Variants in ABAT observed in about 807,000 individuals in gnomAD.
The protein encoded by ABAT is 4-aminobutyrate aminotransferase.
A neutral mutation model predicts 64.6 loss-of-function variants in ABAT; 45 were observed. That is an observed-to-expected ratio of 0.70 (90% CI 0.55 to 0.89). ABAT has a LOEUF of 0.89. Among genes scored for constraint, ABAT ranks in the 40% least tolerant of loss-of-function variants. The pLI is 0.00. For synonymous variants in ABAT, 297 were observed against 250.5 expected, an observed-to-expected ratio of 1.19 and a Z score of -1.75; for missense variants, 633 against 658.4, an observed-to-expected ratio of 0.96 and a Z score of 0.42.
intron 5 of ABAT, 112 bp downstream of exon 5, chr16:8,750,651 C>G (rs374264839): frequency 1.1e-6 from 1 of 933,406 alleles, no homozygotes. Flanking sequence ...AGAGTGTTGC[C>G]TGACACTTCA....
chr16:8,682,216 C>CACACACAT (rs2057351931), intron 1 of ABAT, among the ~76,000 whole-genome samples: 1 of 143,178 alleles, frequency 7.0e-6, no homozygotes, highest in Non-Finnish European at 1.6e-5. Context: ...CACACACACA[C>CACACACAT]ACACACACAC....
intron 1 of ABAT, among the ~76,000 whole-genome samples, chr16:8,697,544 G>T (rs1428671114): frequency 6.6e-6 from 1 of 152,146 alleles, no homozygotes; most frequent in East Asian, 1.9e-4. Context: ...GTCAGTGCCT[G>T]GGTTCAGATC....
chr16:8,698,092 A>C (rs1334050760), intron 1 of ABAT, among the ~76,000 whole-genome samples: 1 of 152,202 alleles, frequency 6.6e-6, no homozygotes, highest in Non-Finnish European at 1.5e-5. Flanking sequence ...ACTCAAAACA[A>C]TGGAAGTTTA....
At chr16:8,729,244 C>T (rs575814842) in intron 1 of ABAT, among the ~76,000 whole-genome samples, 17 of 152,194 alleles carry the variant, frequency 1.1e-4, no homozygotes, top group African/African-American at 3.9e-4. Flanking sequence ...GCAGAGGTTG[C>T]AGTAAGCTAA....
intron 2 of ABAT, among the ~76,000 whole-genome samples, chr16:8,740,519 G>A (rs538292181): frequency 4.3e-4 from 65 of 152,222 alleles, no homozygotes; most frequent in African/African-American, 1.2e-3. Context: ...TCACAGAGCC[G>A]CTTACAATGT....
Position 8,782,024 on chromosome 16 carries a change from C to G in ABAT, c.*594C>G, listed in dbSNP as rs1248603064. The G allele has an allele frequency of 6.0e-6, 1 of 168,034 alleles. No individual in the cohort carries two copies. Among genetic ancestry groups the G allele is most frequent in the African/African-American group, 2.4e-5 (1 of 41,828 alleles). The allele number at this position is 168,034 out of a possible 1,614,324, so 10.4% of individuals were successfully genotyped here. On this transcript the variant is annotated 3_prime_UTR_variant, in exon 16 of 16. Coordinates refer to ENST00000268251, the MANE Select transcript of ABAT (RefSeq NM_020686.6). ...GGAGTAAGGGAAGAGGTCCTCTGGC[C>G]CCCTGAAGATGAGAATCACCCCTCT...
intron 2 of ABAT, among the ~76,000 whole-genome samples, chr16:8,743,035 A>C (rs896271491): frequency 2.1e-4 from 30 of 145,844 alleles, no homozygotes; most frequent in African/African-American, 7.0e-4. Context: ...AAAGTCATCG[A>C]TATGTTCTAG....
intron 1 of ABAT, among the ~76,000 whole-genome samples, chr16:8,734,887 TA>T (rs1408483222): frequency 6.6e-6 from 1 of 151,806 alleles, no homozygotes; most frequent in Non-Finnish European, 1.5e-5. Flanking sequence ...AACTGGGGGA[TA>T]GGGGCTGCTC....
Position 8,779,555 on chromosome 16 carries a change from T to C in ABAT, c.1346T>C (p.Ile449Thr), listed in dbSNP as rs1302829072. 6.2e-6 allele frequency: 10 copies of C among 1,614,140 alleles called. No homozygotes were observed. Among genetic ancestry groups the C allele is most frequent in the Non-Finnish European group, 8.5e-6 (10 of 1,180,016 alleles). The change falls in exon 15 of 16, where the codon ATA (isoleucine) becomes ACA (threonine). Residue 449 changes from isoleucine to threonine, a missense_variant. Physicochemically the swap from Ile to Thr is moderately conservative, Grantham distance 89. Coordinates refer to ENST00000268251, the MANE Select transcript of ABAT (RefSeq NM_020686.6). ...FCSFDTPDDS[I>T]RNKLILIARN... The stretch of plus-strand genomic sequence containing the variant: ...TCCTTCGATACTCCCGATGATTCCA[T>C]ACGGAATAAGCTCATTTTAATTGCC...
rs1321127065 is a variant in ABAT, at chr16:8,681,586, AG to A, written c.-42+6877del. Among the ~76,000 whole-genome samples, 7 of 149,972 alleles carry A rather than the reference AG, an allele frequency of 4.7e-5. No homozygotes were observed. In the East Asian group the frequency reaches 1.4e-3, roughly 30 times the overall value. Reference sequence around the variant, plus strand: ...AAATAGAGACTTTGCAGAAATAGTTAGGTTGAAATGAGGTCTTTCTGCATTA... The same window carrying A: ...AAATAGAGACTTTGCAGAAATAGTTAGTTGAAATGAGGTCTTTCTGCATTA... On this transcript the variant is annotated intron_variant, in intron 1 of 15. Transcript: ENST00000268251.
rs188367499 is a variant in ABAT at position 8,756,607 on chromosome 16, C to T, written c.317-1150C>T. 2.4e-3 allele frequency among the ~76,000 whole-genome samples: 364 copies of T among 152,310 alleles called. 3 individuals carry two copies. Among genetic ancestry groups the T allele is most frequent in the African/African-American group, 8.3e-3 (347 of 41,568 alleles). On this transcript the variant is annotated intron_variant, in intron 5 of 15. Coordinates refer to ENST00000268251, the MANE Select transcript of ABAT (RefSeq NM_020686.6). The stretch of plus-strand genomic sequence containing the variant: ...GCAACCTGCTTCTTCTAGAGAGATA[C>T]TCAGTGCGTGCGTAAGCATACACAT...
intron 1 of ABAT, among the ~76,000 whole-genome samples, chr16:8,684,456 C>T (rs1336295411): frequency 1.3e-5 from 2 of 152,112 alleles, no homozygotes; most frequent in African/African-American, 4.8e-5. Context: ...GCTTGTAGTC[C>T]CAACTACTCA....
chr16:8,722,663 T>G, intron 1 of ABAT: 1 of 459,658 alleles, frequency 2.2e-6, no homozygotes, highest in South Asian at 2.0e-5. Flanking sequence ...TAACTTCAGA[T>G]TTTCAGATTT....
chr16:8,693,135 T>G (rs146683786), intron 1 of ABAT, among the ~76,000 whole-genome samples: 3,642 of 152,250 alleles, frequency 0.024, 143 homozygotes, highest in African/African-American at 0.083. Context: ...GATTACAGGC[T>G]TGAGCCACAA....
Position 8,781,965 on chromosome 16 carries a change from A to G in ABAT, c.*535A>G. 5.2e-6 allele frequency: 1 copy of G among 190,988 alleles called. No individual in the cohort carries two copies. The highest frequency in any genetic ancestry group is 1.1e-5 in the Non-Finnish European group (1 of 90,284). The allele number at this position is 190,988 out of a possible 1,614,324, so 11.8% of individuals were successfully genotyped here. On this transcript the variant is annotated 3_prime_UTR_variant, in exon 16 of 16. Coordinates refer to ENST00000268251, the MANE Select transcript of ABAT (RefSeq NM_020686.6). This position sits in a 1 kb window ranked among gnomAD's most constrained non-coding sequence, Gnocchi z 4.5. ...AGGAGGGACTGGACAGATCTGAGGA[A>G]GGCCGTAAAATGGGGACAGGAGGAT...
chr16:8,768,923 G>T lies in ABAT; in HGVS notation c.766G>T (p.Glu256Ter). Residue 256 changes from glutamate to a stop codon, truncating the protein, a stop_gained, in exon 11 of 16, where the codon GAA (glutamate) becomes TAA (stop). Transcript: ENST00000268251. LOFTEE classifies it high-confidence loss of function. The part of the protein sequence containing the change: ...APFPRLKYPL[E>*]EFVKENQQEE... ...GTTCCCACGGCTGAAATACCCTCTG[G>T]AAGAGTTTGTGAAAGAGAACCAACA... 6.2e-7 allele frequency: 1 copy of T among 1,614,150 alleles called. No homozygotes were observed.
At position 8,748,121 on chromosome 16, in the gene ABAT, A is replaced by C. The variant is rs781341796; in HGVS notation, c.182A>C (p.Gln61Pro). The C allele has an allele frequency of 6.2e-7, 1 of 1,613,692 alleles. No homozygotes were observed. The change falls in exon 4 of 16, where the codon CAG becomes CCG. Residue 61 changes from glutamine (Q) to proline (P), a missense_variant. Coordinates refer to ENST00000268251, the MANE Select transcript of ABAT (RefSeq NM_020686.6). ...PGPRSQELMK[Q>P]LNIIQNAEAV... ...TCTTGCCTGCAGGAGTTAATGAAAC[A>C]GCTGAATATAATTCAGGTAAGTGAG...
At chr16:8,717,435 T>G (rs904172120) in intron 1 of ABAT, among the ~76,000 whole-genome samples, 3 of 152,258 alleles carry the variant, frequency 2.0e-5, no homozygotes, top group Non-Finnish European at 2.9e-5. Flanking sequence ...AAATTACCTA[T>G]GTGGTTTGCA....
chr16:8,699,998 T>C (rs1221694453), intron 1 of ABAT, among the ~76,000 whole-genome samples: 1 of 152,020 alleles, frequency 6.6e-6, no homozygotes, highest in Non-Finnish European at 1.5e-5. Flanking sequence ...TTTTTGTAAT[T>C]TTTGTAGAGA....
Sources: allele counts gnomAD v4.1 joint callset (sites outside exome capture counted in the v4.1 genomes callset), GRCh38; gene constraint gnomAD v4.1.1; non-coding constraint Gnocchi (gnomAD v3.1); transcripts MANE v1.5; gene names NCBI Gene and HGNC (gene_info 2026-07-23, HGNC 2026-07-21).